The following PPP2R3A variants were observed in gnomAD, a reference collection of about 807,000 sequenced individuals.
The protein encoded by PPP2R3A is serine/threonine-protein phosphatase 2A regulatory subunit B'' subunit alpha.
PPP2R3A carries 80 observed loss-of-function variants against 106.9 expected under a neutral mutation model. The observed-to-expected ratio is 0.75, with a 90% CI of 0.62 to 0.90. PPP2R3A has a LOEUF of 0.90. Among genes scored for constraint, PPP2R3A ranks in the 40% least tolerant of loss-of-function variants. PPP2R3A has a pLI of 0.00. For missense variants in PPP2R3A, 1,386 were observed against 1,350.4 expected, an observed-to-expected ratio of 1.03 and a Z score of -0.41; for synonymous variants, 483 against 468.3, an observed-to-expected ratio of 1.03 and a Z score of -0.41.
Position 136,134,784 on chromosome 3 carries a change from T to C in PPP2R3A, c.3330-10259T>C, listed in dbSNP as rs1048849445. 3.1e-4 allele frequency among the ~76,000 whole-genome samples: 47 copies of C among 152,136 alleles called. 1 individual carries two copies. The highest frequency in any genetic ancestry group is 5.9e-4 in the Non-Finnish European group (40 of 68,018). ...CTCCTTTATCTGTTTATATAGGTAATACATGTTCATTGCAGAAGAGTTAGA... is the reference window on the plus strand; with the variant it reads ...CTCCTTTATCTGTTTATATAGGTAACACATGTTCATTGCAGAAGAGTTAGA... On this transcript the variant is annotated intron_variant, in intron 13 of 13. Transcript: ENST00000264977.
chr3:136,035,053 C>A (rs1233663519), intron 3 of PPP2R3A, among the ~76,000 whole-genome samples: 1 of 152,148 alleles, frequency 6.6e-6, no homozygotes, highest in Non-Finnish European at 1.5e-5. Flanking sequence ...CTTTTGGTGT[C>A]CATTTGCCTG....
intron 4 of PPP2R3A, among the ~76,000 whole-genome samples, chr3:136,046,561 A>C (rs538243383): frequency 6.6e-6 from 1 of 152,236 alleles, no homozygotes; most frequent in Non-Finnish European, 1.5e-5. Context: ...ACCACAGTCA[A>C]ACCCTCAAGG....
chr3:136,114,781 G>A (rs1937676794), intron 13 of PPP2R3A, among the ~76,000 whole-genome samples: 1 of 152,224 alleles, frequency 6.6e-6, no homozygotes, highest in South Asian at 2.1e-4. Flanking sequence ...AGCAACTACA[G>A]TCAGGGACTT....
chr3:136,081,221 GAC>G (rs1253227489), intron 7 of PPP2R3A, among the ~76,000 whole-genome samples: 12 of 152,050 alleles, frequency 7.9e-5, no homozygotes, highest in African/African-American at 2.7e-4. Flanking sequence ...TTGAACTCCT[GAC>G]CTCATGATCC....
intron 2 of PPP2R3A, among the ~76,000 whole-genome samples, chr3:136,018,450 A>G (rs1352583503): frequency 6.6e-6 from 1 of 152,258 alleles, no homozygotes; most frequent in African/African-American, 2.4e-5. Flanking sequence ...TTCCCCAGAA[A>G]AAAAGAATAT....
In PPP2R3A at chr3:136,002,226, TA is replaced by T. The variant is rs1204228863; in HGVS notation, c.735del (p.Lys245AsnfsTer6). The T allele has an allele frequency of 1.2e-6, 2 of 1,613,476 alleles. No individual in the cohort carries two copies. Among genetic ancestry groups the T allele is most frequent in the South Asian group, 2.2e-5 (2 of 90,962 alleles). ...LDILLKCSED[L>X]KKCTDIIKQC... is the part of the protein sequence containing the mutation. ...ATCTTATTGAAATGCTCCGAGGATTTAAAAAAATGCACAGACATCATAAAAC... is the reference window on the plus strand; with the variant it reads ...ATCTTATTGAAATGCTCCGAGGATTTAAAAAATGCACAGACATCATAAAAC... On this transcript the variant is annotated frameshift_variant, in exon 2 of 14. Transcript: ENST00000264977. LOFTEE classifies it high-confidence loss of function.
At chr3:136,036,795 C>T (rs1472162801) in intron 3 of PPP2R3A, among the ~76,000 whole-genome samples, 1 of 152,210 alleles carries the variant, frequency 6.6e-6, no homozygotes, top group African/African-American at 2.4e-5. Context: ...CACCATGATC[C>T]CCTCAGTCCT....
In PPP2R3A at chr3:136,147,790, A is replaced by T. The variant is rs910415764; in HGVS notation, c.*2624A>T. 6.6e-6 allele frequency: 1 copy of T among 152,232 alleles called. No homozygotes were observed. The highest frequency in any genetic ancestry group is 1.5e-5 in the Non-Finnish European group (1 of 68,032). The allele number at this position is 152,232 out of a possible 1,614,324, so 9.4% of individuals were successfully genotyped here. A position where few individuals can be genotyped will look rare whatever the true frequency, so the allele number is the denominator to read the frequency against. ...TGTTTATAAAACTCTAGATTCATCA[A>T]ATGAGATTTGCTCAGCTTTTTGAAA... On this transcript the variant is annotated 3_prime_UTR_variant, in exon 14 of 14. Transcript: ENST00000264977.
At chr3:136,082,552 T>A in intron 8 of PPP2R3A, 131 bp downstream of exon 8, 1 of 928,968 alleles carries the variant, frequency 1.1e-6, no homozygotes, top group Non-Finnish European at 1.6e-6. Context: ...CCAATAATTT[T>A]TAAGAGGGGA....
intron 7 of PPP2R3A, among the ~76,000 whole-genome samples, chr3:136,080,840 G>T (rs776275300): frequency 6.6e-6 from 1 of 152,076 alleles, no homozygotes; most frequent in African/African-American, 2.4e-5. Context: ...TTTCTATCCA[G>T]CAGATTTACC....
At chr3:135,988,811 A>C (rs1933035979) in intron 1 of PPP2R3A, among the ~76,000 whole-genome samples, 1 of 152,186 alleles carries the variant, frequency 6.6e-6, no homozygotes, top group South Asian at 2.1e-4. Context: ...ATTGGACATT[A>C]GATCTAAAGG....
Position 136,072,016 on chromosome 3 carries a change from C to G in PPP2R3A, c.2544+1464C>G, listed in dbSNP as rs571057639. Among the ~76,000 whole-genome samples the G allele has an allele frequency of 2.6e-5, 4 of 151,062 alleles. No homozygotes were observed. In the South Asian group the frequency reaches 8.4e-4, roughly 32 times the overall value. On this transcript the variant is annotated intron_variant, in intron 6 of 13. Transcript: ENST00000264977. ...AACCCTTCTTCCTCTGCCCCCTCCCCCTACACTCTATTCCTTTGTCCTGCT... is the reference window on the plus strand; with the variant it reads ...AACCCTTCTTCCTCTGCCCCCTCCCGCTACACTCTATTCCTTTGTCCTGCT...
chr3:135,987,730 G>A (rs983198620), intron 1 of PPP2R3A, among the ~76,000 whole-genome samples: 1 of 143,882 alleles, frequency 7.0e-6, no homozygotes, highest in African/African-American at 2.6e-5. Context: ...TCTTCAATTC[G>A]CCATACTCTA....
intron 1 of PPP2R3A, among the ~76,000 whole-genome samples, chr3:135,974,722 C>T (rs181576582): frequency 4.5e-4 from 68 of 152,350 alleles, no homozygotes; most frequent in Non-Finnish European, 7.4e-4. Flanking sequence ...ATCCTCCCAC[C>T]CCAACCCCCT....
At chr3:136,058,248 A>C (rs1341063156) in intron 5 of PPP2R3A, among the ~76,000 whole-genome samples, 1 of 152,198 alleles carries the variant, frequency 6.6e-6, no homozygotes, top group Non-Finnish European at 1.5e-5. Flanking sequence ...GGGAGACGAC[A>C]TGATCCTATA....
At chr3:136,011,212 C>A (rs1934059805) in intron 2 of PPP2R3A, among the ~76,000 whole-genome samples, 1 of 152,036 alleles carries the variant, frequency 6.6e-6, no homozygotes, top group African/African-American at 2.4e-5. Context: ...TCCCTTTCCC[C>A]CTCTACTGTT....
intron 13 of PPP2R3A, among the ~76,000 whole-genome samples, chr3:136,107,716 A>C (rs1341839106): frequency 6.6e-6 from 1 of 152,092 alleles, no homozygotes; most frequent in Non-Finnish European, 1.5e-5. Context: ...TAGCCACAAA[A>C]CTAGGATTTC....
chr3:135,981,798 G>A (rs1030381595), intron 1 of PPP2R3A, among the ~76,000 whole-genome samples: 7 of 151,858 alleles, frequency 4.6e-5, no homozygotes, highest in Non-Finnish European at 7.3e-5. Context: ...CGAGGGAGAG[G>A]AAGAGGCCAT....
chr3:136,139,131 CTG>C (rs1481925438), intron 13 of PPP2R3A, among the ~76,000 whole-genome samples: 2 of 152,134 alleles, frequency 1.3e-5, no homozygotes, highest in African/African-American at 4.8e-5. Context: ...ATCCTGGAAA[CTG>C]GAATCAAAAC....
Sources: allele counts gnomAD v4.1 joint callset (sites outside exome capture counted in the v4.1 genomes callset), GRCh38; gene constraint gnomAD v4.1.1; transcripts MANE v1.5; gene names NCBI Gene and HGNC (gene_info 2026-07-23, HGNC 2026-07-21).